NEK10: variants seen among roughly 807,000 people sequenced by gnomAD.
NEK10 encodes serine/threonine-protein kinase Nek10.
Under a neutral mutation model 159.8 loss-of-function variants are expected in NEK10, and 122 were observed. The observed-to-expected ratio is 0.76, with a 90% confidence interval of 0.66 to 0.89. NEK10 has a LOEUF of 0.89. NEK10 is among the 40% of genes least tolerant of loss of function. The probability of loss-of-function intolerance (pLI) is 0.00; values close to 1 mark genes in which losing one functional copy is unlikely to be tolerated. For synonymous variants in NEK10, 466 were observed against 457.1 expected (o/e 1.02, Z -0.25); for missense variants, 1,342 against 1,323.1 (o/e 1.01, Z -0.22).
intron 1 of NEK10, among the ~76,000 whole-genome samples, chr3:27,365,111 A>T (rs1575958429): frequency 6.6e-6 from 1 of 152,188 alleles, no homozygotes; most frequent in Admixed American, 6.5e-5. Context: ...CACCTAAGTG[A>T]ATTTTCTAGA....
At chr3:27,283,855 G>A (rs1028965816) in intron 22 of NEK10, among the ~76,000 whole-genome samples, 2 of 152,130 alleles carry the variant, frequency 1.3e-5, no homozygotes, top group Non-Finnish European at 2.9e-5. Flanking sequence ...CACAGACTAT[G>A]GTAAAATGGT....
At chr3:27,365,610 G>GTTTTTTTTTTTTTGTTTTTTTTT (rs2049010017) in intron 1 of NEK10, among the ~76,000 whole-genome samples, 1 of 99,106 alleles carries the variant, frequency 1.0e-5, no homozygotes, top group African/African-American at 4.0e-5. Context: ...TTTTTTTTGT[G>GTTTTTTTTTTTTTGTTTTTTTTT]TTTTTTTTTT....
intron 22 of NEK10, among the ~76,000 whole-genome samples, chr3:27,262,047 C>T (rs1431885141): frequency 1.3e-5 from 2 of 151,982 alleles, no homozygotes; most frequent in African/African-American, 2.4e-5. Context: ...GATTGCAACC[C>T]CTCCCTTTTT....
rs746411345 is a variant in NEK10 at position 27,192,248 on chromosome 3, A to G, written c.2292-6T>C. 7 of 1,605,998 alleles carry G rather than the reference A, an allele frequency of 4.4e-6. No individual in the cohort carries two copies. In the South Asian group the frequency reaches 7.7e-5, roughly 18 times the overall value. On this transcript the variant is annotated splice_polypyrimidine_tract_variant and splice_region_variant and intron_variant, in intron 25 of 35. Coordinates refer to ENST00000691995, the MANE Select transcript of NEK10 (RefSeq NM_001394966.1). ...CCGCATCAGGAGTGAGGCACCTAAG[A>G]TAACATGAGATAATTATAACACTCT...
intron 1 of NEK10, among the ~76,000 whole-genome samples, chr3:27,361,500 G>A (rs916726493): frequency 6.6e-6 from 1 of 152,156 alleles, no homozygotes; most frequent in Non-Finnish European, 1.5e-5. Flanking sequence ...AATAGAATAT[G>A]AGTATATTCT....
rs539260821 is a variant in NEK10 at position 27,181,854 on chromosome 3, A to C, written c.2506-7021T>G. ...TAAATTTTGTTGAATAAGTAAAATAAAAGACTGATTTTTTAAAATGTTGCC... is the reference window on the plus strand; with the variant it reads ...TAAATTTTGTTGAATAAGTAAAATACAAGACTGATTTTTTAAAATGTTGCC... On this transcript the variant is annotated intron_variant, in intron 26 of 35. Transcript: ENST00000691995. Among the ~76,000 whole-genome samples, 11 of 152,330 alleles carry C rather than the reference A, an allele frequency of 7.2e-5. No homozygotes were observed. In the East Asian group the frequency reaches 2.1e-3, roughly 29 times the overall value.
intron 6 of NEK10, among the ~76,000 whole-genome samples, chr3:27,321,175 A>G (rs1486957672): frequency 6.6e-6 from 1 of 151,880 alleles, no homozygotes; most frequent in Non-Finnish European, 1.5e-5. Context: ...TAAAAAAAAA[A>G]AAGTGTTAAG....
chr3:27,182,945 AT>A (rs1444161474), intron 26 of NEK10, among the ~76,000 whole-genome samples: 2 of 151,998 alleles, frequency 1.3e-5, no homozygotes, highest in Non-Finnish European at 2.9e-5. Context: ...GAGAGGGGGG[AT>A]AAAAAAGGAA....
intron 11 of NEK10, 45 bp from the exon 12 acceptor site, chr3:27,305,016 G>T (rs947130210): frequency 8.6e-7 from 1 of 1,156,514 alleles, no homozygotes; most frequent in Non-Finnish European, 1.3e-6. Context: ...AGCATCATGA[G>T]TTGATTACTT....
intron 1 of NEK10, among the ~76,000 whole-genome samples, chr3:27,365,619 T>TTTTTTTTG (rs2049019302): frequency 7.3e-6 from 1 of 137,828 alleles, no homozygotes; most frequent in Non-Finnish European, 1.5e-5. Context: ...TGTTTTTTTT[T>TTTTTTTTG]TTTTTTTTTT....
chr3:27,347,690 T>C (rs985685081), intron 3 of NEK10, among the ~76,000 whole-genome samples: 1 of 152,116 alleles, frequency 6.6e-6, no homozygotes, highest in Non-Finnish European at 1.5e-5. Context: ...ATGTTAATAA[T>C]AAATCTTCCA....
In NEK10 at chr3:27,201,608, G is replaced by A. The variant is rs761441905; in HGVS notation, c.2221-28C>T. On this transcript the variant is annotated intron_variant, in intron 24 of 35. Transcript: ENST00000691995. Reference sequence around the variant, plus strand: ...GCAAAACAAACAGACTAGAGTGATGGAAGTAAAGGGGCCACGGATGTCTTT... The same window carrying A: ...GCAAAACAAACAGACTAGAGTGATGAAAGTAAAGGGGCCACGGATGTCTTT... The A allele has an allele frequency of 9.6e-6, 15 of 1,559,988 alleles. No homozygotes were observed. In the South Asian group the frequency reaches 1.2e-4, roughly 13 times the overall value.
At chr3:27,345,396 A>G (rs1273346952) in intron 4 of NEK10, among the ~76,000 whole-genome samples, 1 of 152,216 alleles carries the variant, frequency 6.6e-6, no homozygotes, top group Non-Finnish European at 1.5e-5. Flanking sequence ...ACTTTCCCAT[A>G]CTATTAAATT....
At chr3:27,235,102 AC>A (rs1307776184) in intron 23 of NEK10, among the ~76,000 whole-genome samples, 1 of 152,148 alleles carries the variant, frequency 6.6e-6, no homozygotes, top group Non-Finnish European at 1.5e-5. Flanking sequence ...TATACCACAC[AC>A]AAAAATCAAC....
chr3:27,314,418 T>C, intron 6 of NEK10, 80 bp from the exon 7 acceptor site: 1 of 815,168 alleles, frequency 1.2e-6, no homozygotes, highest in Non-Finnish European at 2.1e-6. Context: ...ATTTCTTTAC[T>C]AAGTTGTCAT....
At chr3:27,150,677 T>A (rs565392863) in intron 30 of NEK10, among the ~76,000 whole-genome samples, 2 of 152,342 alleles carry the variant, frequency 1.3e-5, no homozygotes, top group African/African-American at 4.8e-5. Context: ...GTTGTTTTCA[T>A]GTATGCTAAC....
chr3:27,189,537 G>A (rs963217675), intron 26 of NEK10, among the ~76,000 whole-genome samples: 4 of 151,984 alleles, frequency 2.6e-5, no homozygotes, highest in African/African-American at 9.7e-5. Context: ...GAACTTTCCA[G>A]TATATCTGAA....
intron 23 of NEK10, among the ~76,000 whole-genome samples, chr3:27,243,556 C>T (rs571778822): frequency 5.3e-5 from 8 of 152,112 alleles, no homozygotes; most frequent in Non-Finnish European, 8.8e-5. Context: ...TATCCGTCAA[C>T]CAGACTCCCT....
At chr3:27,210,883 G>T (rs1160056450) in intron 23 of NEK10, among the ~76,000 whole-genome samples, 1 of 152,136 alleles carries the variant, frequency 6.6e-6, no homozygotes, top group Non-Finnish European at 1.5e-5. Context: ...AGTTGTCAAT[G>T]TCCTTTTTAT....
Sources: allele counts gnomAD v4.1 joint callset (sites outside exome capture counted in the v4.1 genomes callset), GRCh38; gene constraint gnomAD v4.1.1; transcripts MANE v1.5; gene names NCBI Gene and HGNC (gene_info 2026-07-23, HGNC 2026-07-21).